Variants in NPAS3 observed in about 807,000 individuals in gnomAD.
NPAS3 encodes neuronal PAS domain protein 3, also known as neuronal PAS domain-containing protein 3.
In NPAS3, 14 loss-of-function variants were observed where a neutral mutation model predicts 73.1. The ratio of observed to expected loss-of-function variants is 0.19; its 90% CI spans 0.13 to 0.30. NPAS3 has a LOEUF of 0.30. NPAS3 is among the 10% of genes least tolerant of loss of function. The pLI, the probability that NPAS3 is intolerant of heterozygous loss-of-function variation, is 1.00. For synonymous variants in NPAS3, 620 were observed against 541.5 expected (o/e 1.14, Z -2.01); for missense variants, 1,096 against 1,250.0 (o/e 0.88, Z 1.86).
At chr14:33,097,815 C>G (rs1375926115) in intron 2 of NPAS3, among the ~76,000 whole-genome samples, 5 of 151,648 alleles carry the variant, frequency 3.3e-5, no homozygotes, top group Non-Finnish European at 7.4e-5. Context: ...TGTGAAGCAC[C>G]TTTTCGTGTG....
At chr14:33,601,057 C>T (rs2057385862) in intron 5 of NPAS3, among the ~76,000 whole-genome samples, 1 of 152,100 alleles carries the variant, frequency 6.6e-6, no homozygotes. Flanking sequence ...TTCTCCTGAC[C>T]CCATTGGCTA....
At chr14:33,139,137 T>A (rs1013511158) in intron 2 of NPAS3, among the ~76,000 whole-genome samples, 2 of 152,184 alleles carry the variant, frequency 1.3e-5, no homozygotes, top group African/African-American at 4.8e-5. Flanking sequence ...GTTTAGTACA[T>A]CAGAACAGTC....
At position 33,658,974 on chromosome 14, in the gene NPAS3, C is replaced by G. The variant is rs114018198; in HGVS notation, c.559-17237C>G. Among the ~76,000 whole-genome samples, 890 of 152,278 alleles carry G rather than the reference C, an allele frequency of 5.8e-3. 6 individuals carry two copies. Among genetic ancestry groups the G allele is most frequent in the African/African-American group, 0.02 (829 of 41,540 alleles). On this transcript the variant is annotated intron_variant, in intron 5 of 11. Transcript: ENST00000356141. ...GCATAATAGATAAGCTGCCATATTA[C>G]TCTGGGACCCCAAATAATTAGCAAA... is the stretch of plus-strand genomic sequence containing the variant.
intron 5 of NPAS3, among the ~76,000 whole-genome samples, chr14:33,571,252 T>C (rs1399503018): frequency 6.6e-6 from 1 of 152,176 alleles, no homozygotes; most frequent in Non-Finnish European, 1.5e-5. Context: ...GCAGCTTGAA[T>C]CTTCATTTTT....
At chr14:33,333,236 G>A (rs1172344860) in intron 3 of NPAS3, among the ~76,000 whole-genome samples, 1 of 152,180 alleles carries the variant, frequency 6.6e-6, no homozygotes. Context: ...CATATGAAGT[G>A]TTCTGAGTGC....
chr14:33,171,465 C>T (rs1478755293), intron 2 of NPAS3, among the ~76,000 whole-genome samples: 2 of 152,200 alleles, frequency 1.3e-5, no homozygotes, highest in Non-Finnish European at 2.9e-5. Flanking sequence ...CTGCTTCACC[C>T]TACACTTTTA....
intron 11 of NPAS3, among the ~76,000 whole-genome samples, chr14:33,798,977 CAAA>C (rs35096703): frequency 0.014 from 1,530 of 106,200 alleles, 13 homozygotes; most frequent in African/African-American, 0.019. Context: ...CCTGTCTCTA[CAAA>C]AAAAAAAAAA....
chr14:33,055,802 TAAAA>T, intron 1 of NPAS3, 99 bp from the exon 2 acceptor site: 7 of 574,378 alleles, frequency 1.2e-5, no homozygotes, highest in Non-Finnish European at 1.9e-5. Flanking sequence ...CTCAAAAGCG[TAAAA>T]AGCAAAATAT....
intron 4 of NPAS3, among the ~76,000 whole-genome samples, chr14:33,442,421 A>T (rs1022725556): frequency 2.6e-5 from 4 of 152,120 alleles, no homozygotes; most frequent in African/African-American, 9.7e-5. Context: ...TTAAAAAAAA[A>T]AAAAAATTAA....
intron 4 of NPAS3, among the ~76,000 whole-genome samples, chr14:33,446,386 A>C (rs1416417981): frequency 6.6e-6 from 1 of 151,524 alleles, no homozygotes; most frequent in Non-Finnish European, 1.5e-5. Context: ...CTTGTTAGCC[A>C]GGATGGTCTC....
chr14:33,793,344 C>T (rs1484346767), intron 9 of NPAS3, among the ~76,000 whole-genome samples: 1 of 152,164 alleles, frequency 6.6e-6, no homozygotes, highest in Non-Finnish European at 1.5e-5. Context: ...CCCGACTGAC[C>T]AGTGTAAATT....
chr14:33,609,837 C>T (rs925374579), intron 5 of NPAS3, among the ~76,000 whole-genome samples: 1 of 152,128 alleles, frequency 6.6e-6, no homozygotes, highest in Non-Finnish European at 1.5e-5. Context: ...CTGTCTGACT[C>T]CAATCAGGAG....
At chr14:33,770,493 C>T (rs1327268231) in intron 7 of NPAS3, among the ~76,000 whole-genome samples, 1 of 152,188 alleles carries the variant, frequency 6.6e-6, no homozygotes, top group Non-Finnish European at 1.5e-5. Context: ...AGTCTGTAAA[C>T]TCTTTGAGGA....
intron 4 of NPAS3, among the ~76,000 whole-genome samples, chr14:33,466,571 G>A (rs867767478): frequency 2.0e-5 from 3 of 152,114 alleles, no homozygotes; most frequent in Admixed American, 6.5e-5. Context: ...ACCTGAGACC[G>A]AGTAATTTAT....
At chr14:33,803,882 T>TA (rs2063773571), downstream of NPAS3, 1 of 152,134 alleles carries the variant, frequency 6.6e-6, no homozygotes, top group Non-Finnish European at 1.5e-5. Context: ...AACTCTACGA[T>TA]ATATATATAA....
rs547447943 is a variant in NPAS3 at position 33,665,185 on chromosome 14, G to A, written c.559-11026G>A. Among the ~76,000 whole-genome samples, 4 of 152,280 alleles carry A rather than the reference G, an allele frequency of 2.6e-5. No homozygotes were observed. The South Asian group carries it at 8.3e-4, about 32-fold the overall frequency. ...TGGAATACTATGCAGCCATAAAAAG[G>A]ATGAGTTCATGTCCTTTGCAGGGAC... On this transcript the variant is annotated intron_variant, in intron 5 of 11. Transcript: ENST00000356141.
intron 3 of NPAS3, among the ~76,000 whole-genome samples, chr14:33,339,660 C>T (rs1477012033): frequency 6.6e-6 from 1 of 151,994 alleles, no homozygotes; most frequent in Non-Finnish European, 1.5e-5. Context: ...TGGAGACAGG[C>T]TGATTTTAGT....
chr14:33,709,036 G>T (rs1041339952), intron 6 of NPAS3, among the ~76,000 whole-genome samples: 6 of 152,202 alleles, frequency 3.9e-5, no homozygotes, highest in African/African-American at 1.2e-4. Flanking sequence ...ATTGAAAATA[G>T]ATCGGAAAGC....
chr14:33,517,385 T>G (rs1323535847), intron 4 of NPAS3, among the ~76,000 whole-genome samples: 1 of 152,082 alleles, frequency 6.6e-6, no homozygotes, highest in Non-Finnish European at 1.5e-5. Context: ...GCTCTACAGT[T>G]TACAACATGG....
Sources: gnomAD v4.1 joint callset for allele counts (sites outside exome capture counted in the v4.1 genomes callset) on GRCh38, gnomAD v4.1.1 for gene constraint, MANE v1.5 for transcripts, NCBI Gene and HGNC (gene_info 2026-07-23, HGNC 2026-07-21) for gene names.